The following LPP variants were observed in gnomAD, a reference collection of about 807,000 sequenced individuals.
LPP encodes the protein LIM domain containing preferred translocation partner in lipoma.
A neutral mutation model predicts 60.4 loss-of-function variants in LPP; 38 were observed. That is an observed-to-expected ratio of 0.63 (90% CI 0.49 to 0.83). The LOEUF (loss-of-function observed/expected upper bound fraction) is 0.83. Ranked by LOEUF, LPP falls within the 40% of genes least tolerant of loss-of-function variation. The pLI, the probability that LPP is intolerant of heterozygous loss-of-function variation, is 0.00. For missense variants in LPP, 902 were observed against 783.6 expected (o/e 1.15, Z -1.80); for synonymous variants, 328 against 290.8 (o/e 1.13, Z -1.30).
At chr3:188,306,981 A>G (rs567148358) in intron 2 of LPP, among the ~76,000 whole-genome samples, 1 of 152,372 alleles carries the variant, frequency 6.6e-6, no homozygotes, top group East Asian at 1.9e-4. Context: ...TCTAAGGACC[A>G]GATTTGGCCT....
intron 7 of LPP, among the ~76,000 whole-genome samples, chr3:188,653,302 G>C (rs1852465782): frequency 6.6e-6 from 1 of 152,202 alleles, no homozygotes; most frequent in Non-Finnish European, 1.5e-5. Flanking sequence ...ATGAGCACAT[G>C]TTAAGTTTCT....
intron 3 of LPP, among the ~76,000 whole-genome samples, chr3:188,345,132 C>T (rs1208566849): frequency 6.6e-6 from 1 of 152,178 alleles, no homozygotes; most frequent in Non-Finnish European, 1.5e-5. Context: ...CTTCTGACTA[C>T]ATAGTTGTAT....
At chr3:188,350,707 C>G (rs945729196) in intron 3 of LPP, among the ~76,000 whole-genome samples, 2 of 152,138 alleles carry the variant, frequency 1.3e-5, no homozygotes, top group African/African-American at 4.8e-5. Flanking sequence ...GGTGTCCTGC[C>G]TCTATTTTAT....
chr3:188,577,943 A>G (rs1248471668), intron 6 of LPP, among the ~76,000 whole-genome samples: 1 of 150,566 alleles, frequency 6.6e-6, no homozygotes, highest in Non-Finnish European at 1.5e-5. Flanking sequence ...CCTTCTTTCC[A>G]GAAAGTCACT....
intron 1 of LPP, among the ~76,000 whole-genome samples, chr3:188,199,320 C>T (rs1298958085): frequency 2.6e-5 from 4 of 152,020 alleles, no homozygotes; most frequent in Admixed American, 2.6e-4. Context: ...CGCTTAGATT[C>T]AAGGGGAGAG....
At chr3:188,171,636 A>T (rs1721617053) in intron 1 of LPP, among the ~76,000 whole-genome samples, 1 of 152,206 alleles carries the variant, frequency 6.6e-6, no homozygotes, top group African/African-American at 2.4e-5. Context: ...CATGAGTGAG[A>T]CCAAGTCTTA....
chr3:188,688,053 G>A (rs1299799331), intron 7 of LPP, among the ~76,000 whole-genome samples: 3 of 152,050 alleles, frequency 2.0e-5, no homozygotes, highest in Admixed American at 1.3e-4. Flanking sequence ...CAGGCACCAC[G>A]GCAGAAGAAC....
intron 3 of LPP, among the ~76,000 whole-genome samples, chr3:188,398,769 AC>A (rs1291737033): frequency 6.6e-6 from 1 of 152,164 alleles, no homozygotes; most frequent in Admixed American, 6.5e-5. Flanking sequence ...GTAGGGACTT[AC>A]CCCGTTTGGA....
chr3:188,573,889 A>G (rs1178672727), intron 6 of LPP, among the ~76,000 whole-genome samples: 2 of 152,164 alleles, frequency 1.3e-5, no homozygotes, highest in Non-Finnish European at 1.5e-5. Context: ...TGGAAGATAA[A>G]TGATATGACA....
At chr3:188,827,614 G>A (rs557649265) in intron 9 of LPP, among the ~76,000 whole-genome samples, 1 of 152,294 alleles carries the variant, frequency 6.6e-6, no homozygotes, top group South Asian at 2.1e-4. Flanking sequence ...CCACAACAGG[G>A]AGTGGAACAG....
At chr3:188,796,501 T>C (rs1386246155) in intron 9 of LPP, among the ~76,000 whole-genome samples, 2 of 152,144 alleles carry the variant, frequency 1.3e-5, no homozygotes, top group Non-Finnish European at 2.9e-5. Context: ...AGCAACATCA[T>C]GAGTAAGTGA....
At chr3:188,426,262 T>C (rs1578803928) in intron 4 of LPP, among the ~76,000 whole-genome samples, 1 of 152,198 alleles carries the variant, frequency 6.6e-6, no homozygotes, top group Non-Finnish European at 1.5e-5. Context: ...TTGTTCGGTT[T>C]TGAGTGAGTT....
intron 1 of LPP, among the ~76,000 whole-genome samples, chr3:188,161,959 G>A (rs887732471): frequency 1.3e-5 from 2 of 152,144 alleles, no homozygotes; most frequent in Non-Finnish European, 2.9e-5. Context: ...CTAATATCAA[G>A]GTTCCTTGCT....
At chr3:188,287,585 C>T (rs140949047) in intron 2 of LPP, among the ~76,000 whole-genome samples, 1 of 152,234 alleles carries the variant, frequency 6.6e-6, no homozygotes, top group East Asian at 1.9e-4. Flanking sequence ...CTTACCTTCC[C>T]TTTTTCGGGG....
At chr3:188,385,848 T>C (rs1004457192) in intron 3 of LPP, among the ~76,000 whole-genome samples, 2 of 152,148 alleles carry the variant, frequency 1.3e-5, no homozygotes, top group African/African-American at 4.8e-5. Context: ...ATTAGAAATA[T>C]GTGAGAAGAA....
intron 6 of LPP, among the ~76,000 whole-genome samples, chr3:188,542,937 A>G (rs970824685): frequency 2.0e-5 from 3 of 152,296 alleles, no homozygotes; most frequent in Middle Eastern, 3.4e-3. Context: ...GTTTCAGAAG[A>G]TGACCTTCAC....
At chr3:188,550,108 A>G (rs966144530) in intron 6 of LPP, among the ~76,000 whole-genome samples, 1 of 152,178 alleles carries the variant, frequency 6.6e-6, no homozygotes, top group Non-Finnish European at 1.5e-5. Flanking sequence ...TATTAATGCG[A>G]CCAAAATATT....
intron 4 of LPP, among the ~76,000 whole-genome samples, chr3:188,458,138 C>A (rs1316409871): frequency 6.6e-6 from 1 of 152,126 alleles, no homozygotes; most frequent in East Asian, 1.9e-4. Flanking sequence ...CAAATATGAA[C>A]CACAGTGGTA....
At chr3:188,511,971 A>T (rs1013100368) in intron 5 of LPP, among the ~76,000 whole-genome samples, 2 of 152,090 alleles carry the variant, frequency 1.3e-5, no homozygotes, top group Admixed American at 6.5e-5. Context: ...AATGTACGAG[A>T]TGTCGTTTTG....
Sources: allele counts gnomAD v4.1 joint callset (sites outside exome capture counted in the v4.1 genomes callset), GRCh38; gene constraint gnomAD v4.1.1; transcripts MANE v1.5; gene names NCBI Gene and HGNC (gene_info 2026-07-23, HGNC 2026-07-21).